The following ALCAM variants were observed in gnomAD, a reference collection of about 807,000 sequenced individuals.
The protein encoded by ALCAM is CD166 antigen.
A neutral mutation model predicts 70.9 loss-of-function variants in ALCAM; 30 were observed. That is an observed-to-expected ratio of 0.42 (90% confidence interval 0.32 to 0.57). The LOEUF (loss-of-function observed/expected upper bound fraction) is 0.57. ALCAM is among the 20% of genes least tolerant of loss of function. The probability of loss-of-function intolerance (pLI) is 0.11; values close to 1 mark genes in which losing one functional copy is unlikely to be tolerated. For missense variants in ALCAM, 591 were observed against 695.1 expected, an observed-to-expected ratio of 0.85 and a Z score of 1.68; for synonymous variants, 249 against 242.5, an observed-to-expected ratio of 1.03 and a Z score of -0.25.
At position 105,562,891 on chromosome 3, in the gene ALCAM, C is replaced by T. The variant is rs192145561; in HGVS notation, c.1665-8961C>T. Among the ~76,000 whole-genome samples, 164 of 152,264 alleles carry T rather than the reference C, an allele frequency of 1.1e-3. 1 individual carries two copies. Among genetic ancestry groups the T allele is most frequent in the Admixed American group, 7.9e-3 (121 of 15,294 alleles). ...CACGATCTCAGCTCACTGCAACCTC[C>T]GCCTCCCAGGTTCAAATGATTTTCC... On this transcript the variant is annotated intron_variant, in intron 14 of 15. Transcript: ENST00000306107.
chr3:105,446,226 C>T (rs1172171021), intron 1 of ALCAM, among the ~76,000 whole-genome samples: 1 of 152,024 alleles, frequency 6.6e-6, no homozygotes, highest in African/African-American at 2.4e-5. Flanking sequence ...TGAAAAAATG[C>T]TCATTATCAC....
At chr3:105,525,146 T>C (rs2152624589) in intron 3 of ALCAM, 4 of 982,696 alleles carry the variant, frequency 4.1e-6, no homozygotes, top group Non-Finnish European at 4.8e-6. Context: ...CTTTAGAAAA[T>C]TGTCCTAAAA....
At chr3:105,472,635 T>G (rs1576186095) in intron 1 of ALCAM, among the ~76,000 whole-genome samples, 2 of 151,528 alleles carry the variant, frequency 1.3e-5, no homozygotes, top group Admixed American at 1.3e-4. Flanking sequence ...ATTGTAAACA[T>G]GAAAAGATCA....
intron 14 of ALCAM, among the ~76,000 whole-genome samples, chr3:105,566,735 CTGTTT>C (rs1269044543): frequency 1.3e-5 from 2 of 152,096 alleles, no homozygotes; most frequent in Non-Finnish European, 2.9e-5. Context: ...ATTGTCACAT[CTGTTT>C]TATCTGCATA....
chr3:105,537,278 G>T (rs1017994768), intron 6 of ALCAM, among the ~76,000 whole-genome samples: 1 of 152,048 alleles, frequency 6.6e-6, no homozygotes, highest in African/African-American at 2.4e-5. Flanking sequence ...CTATTCCTGC[G>T]ATGGATTTCA....
At chr3:105,380,070 A>G (rs1029400469) in intron 1 of ALCAM, among the ~76,000 whole-genome samples, 6 of 151,970 alleles carry the variant, frequency 3.9e-5, no homozygotes, top group Admixed American at 1.3e-4. Context: ...AAACTGTTAT[A>G]TATTTGAATA....
chr3:105,551,018 G>A (rs1216751408), intron 12 of ALCAM, among the ~76,000 whole-genome samples: 1 of 151,466 alleles, frequency 6.6e-6, no homozygotes, highest in Non-Finnish European at 1.5e-5. Context: ...GCTCAGTTCT[G>A]GACAGGATGC....
chr3:105,511,580 G>A (rs1012227662), intron 1 of ALCAM, among the ~76,000 whole-genome samples: 1 of 151,940 alleles, frequency 6.6e-6, no homozygotes, highest in Non-Finnish European at 1.5e-5. Context: ...TAAAAGCATG[G>A]AATTTACACA....
intron 6 of ALCAM, among the ~76,000 whole-genome samples, chr3:105,537,136 ACCAGTCCACTCCTTTCTTAC>A (rs34188834): frequency 0.077 from 11,773 of 152,092 alleles, 569 homozygotes; most frequent in African/African-American, 0.13. Flanking sequence ...AGAAAAATGC[ACCAGTCCACTCCTTTCTTAC>A]CCTATTCAAT....
At chr3:105,447,091 C>T (rs1937318701) in intron 1 of ALCAM, among the ~76,000 whole-genome samples, 1 of 152,050 alleles carries the variant, frequency 6.6e-6, no homozygotes, top group Admixed American at 6.6e-5. Flanking sequence ...ACAATGTATA[C>T]ATGTATCACA....
chr3:105,379,476 CA>C lies in ALCAM; in HGVS notation c.73+12003del, dbSNP rs565271715. ...TATAGCTTTAAAATGTAATTTTCCA[CA>C]AAAAAAAGAGAAAAAAACACGTGTT... On this transcript the variant is annotated intron_variant, in intron 1 of 15. Coordinates refer to ENST00000306107, the MANE Select transcript of ALCAM (RefSeq NM_001627.4). 1.1e-3 allele frequency among the ~76,000 whole-genome samples: 167 copies of C among 149,508 alleles called. 1 individual carries two copies. Among genetic ancestry groups the C allele is most frequent in the Middle Eastern group, 3.4e-3 (1 of 290 alleles).
At chr3:105,473,335 T>A (rs1298474761) in intron 1 of ALCAM, among the ~76,000 whole-genome samples, 1 of 151,584 alleles carries the variant, frequency 6.6e-6, no homozygotes, top group Non-Finnish European at 1.5e-5. Flanking sequence ...TCAAAAAGTC[T>A]TGATGTTACA....
At chr3:105,448,836 A>T (rs78574406) in intron 1 of ALCAM, among the ~76,000 whole-genome samples, 81 of 152,264 alleles carry the variant, frequency 5.3e-4, no homozygotes, top group Non-Finnish European at 9.6e-4. Context: ...AGGCACAGGG[A>T]ACAGAATCTT....
chr3:105,564,712 C>A (rs986320859), intron 14 of ALCAM, among the ~76,000 whole-genome samples: 2 of 152,156 alleles, frequency 1.3e-5, no homozygotes, highest in African/African-American at 4.8e-5. Flanking sequence ...AGTAGTTGGA[C>A]TTTGGCCAGG....
intron 1 of ALCAM, among the ~76,000 whole-genome samples, chr3:105,492,697 T>G (rs111943885): frequency 6.6e-6 from 1 of 152,330 alleles, no homozygotes; most frequent in East Asian, 1.9e-4. Context: ...ACATTAGCAA[T>G]GTAATGCTAT....
intron 14 of ALCAM, among the ~76,000 whole-genome samples, chr3:105,569,069 G>T (rs943028664): frequency 2.8e-4 from 41 of 147,424 alleles, no homozygotes; most frequent in African/African-American, 1.0e-3. Context: ...TTACATTGTT[G>T]TTTTTTTTTT....
intron 1 of ALCAM, among the ~76,000 whole-genome samples, chr3:105,494,965 G>GTT (rs1938696038): frequency 6.6e-6 from 1 of 152,056 alleles, no homozygotes; most frequent in Non-Finnish European, 1.5e-5. Context: ...CTGGACCACT[G>GTT]TTTTCTCTTT....
At chr3:105,423,498 G>GAA (rs558228767) in intron 1 of ALCAM, among the ~76,000 whole-genome samples, 35 of 135,612 alleles carry the variant, frequency 2.6e-4, no homozygotes, top group South Asian at 4.6e-4. Flanking sequence ...TTCTTTCAGG[G>GAA]AAAAAAAAAA....
At chr3:105,417,673 G>A (rs1936538798) in intron 1 of ALCAM, among the ~76,000 whole-genome samples, 1 of 151,434 alleles carries the variant, frequency 6.6e-6, no homozygotes, top group African/African-American at 2.4e-5. Flanking sequence ...AGTAAAATAA[G>A]GAAACATGGG....
Sources: allele counts gnomAD v4.1 joint callset (sites outside exome capture counted in the v4.1 genomes callset), GRCh38; gene constraint gnomAD v4.1.1; transcripts MANE v1.5; gene names NCBI Gene and HGNC (gene_info 2026-07-23, HGNC 2026-07-21).